CSMD1: variants seen among roughly 807,000 people sequenced by gnomAD.
CSMD1 encodes CUB and sushi domain-containing protein 1.
CSMD1 carries 213 observed loss-of-function variants against 417.5 expected under a neutral mutation model. The ratio of observed to expected loss-of-function variants is 0.51; its 90% CI spans 0.46 to 0.57. CSMD1 has a LOEUF of 0.57. Among genes scored for constraint, CSMD1 ranks in the 20% least tolerant of loss-of-function variants. The pLI, the probability that CSMD1 is intolerant of heterozygous loss-of-function variation, is 0.00. For missense variants in CSMD1, 6,923 were observed against 4,529.7 expected (o/e 1.53, Z -15.17); for synonymous variants, 2,862 against 1,736.8 (o/e 1.65, Z -16.11).
intron 2 of CSMD1, among the ~76,000 whole-genome samples, chr8:4,441,728 G>A (rs567692042): frequency 1.3e-5 from 2 of 151,988 alleles, no homozygotes; most frequent in African/African-American, 2.4e-5. Context: ...GGAGATAAAT[G>A]AAAATTTTTA....
chr8:4,286,585 T>G (rs1056037838), intron 3 of CSMD1, among the ~76,000 whole-genome samples: 1 of 152,106 alleles, frequency 6.6e-6, no homozygotes, highest in Non-Finnish European at 1.5e-5. Flanking sequence ...AACCAGCACC[T>G]GATAGCCTCA....
intron 6 of CSMD1, among the ~76,000 whole-genome samples, chr8:3,716,600 C>T (rs1801854685): frequency 6.6e-6 from 1 of 152,148 alleles, no homozygotes. Context: ...TTTACTGCAA[C>T]CTATTTCATC....
chr8:4,148,118 C>G (rs569203537), intron 3 of CSMD1, among the ~76,000 whole-genome samples: 2 of 152,032 alleles, frequency 1.3e-5, no homozygotes, highest in South Asian at 2.1e-4. Flanking sequence ...CTTTGATGCG[C>G]GTGACATGCT....
chr8:3,250,640 T>A (rs1044564238), intron 26 of CSMD1, among the ~76,000 whole-genome samples: 4 of 152,242 alleles, frequency 2.6e-5, no homozygotes, highest in Non-Finnish European at 4.4e-5. Flanking sequence ...CCACACTGTC[T>A]TCCACAATCA....
chr8:4,931,610 T>A (rs879351843), intron 1 of CSMD1, among the ~76,000 whole-genome samples: 3 of 152,212 alleles, frequency 2.0e-5, no homozygotes, highest in African/African-American at 4.8e-5. Context: ...ATAAACTAGC[T>A]GTGTCCTGCA....
chr8:3,420,528 G>A (rs573549300), intron 12 of CSMD1, among the ~76,000 whole-genome samples: 2 of 148,998 alleles, frequency 1.3e-5, no homozygotes, highest in African/African-American at 2.4e-5. Context: ...ATTAAATATA[G>A]GGAAACTGGC....
intron 3 of CSMD1, among the ~76,000 whole-genome samples, chr8:4,165,154 C>T (rs143662858): frequency 6.6e-6 from 1 of 152,144 alleles, no homozygotes. Flanking sequence ...TCAGCCTCCA[C>T]TGCTTAATAT....
chr8:4,651,605 C>A (rs1381734271), intron 1 of CSMD1, among the ~76,000 whole-genome samples: 1 of 151,666 alleles, frequency 6.6e-6, no homozygotes, highest in Admixed American at 6.5e-5. Context: ...AAAATGAGGC[C>A]CACATGGTTA....
intron 7 of CSMD1, among the ~76,000 whole-genome samples, chr8:3,631,787 G>C (rs556214814): frequency 6.6e-6 from 1 of 152,284 alleles, no homozygotes; most frequent in Admixed American, 6.5e-5. Flanking sequence ...AAGTAAACTG[G>C]GATTTCTCTG....
chr8:3,057,664 A>T (rs1395041223), intron 49 of CSMD1, among the ~76,000 whole-genome samples: 1 of 152,138 alleles, frequency 6.6e-6, no homozygotes, highest in Non-Finnish European at 1.5e-5. Context: ...TACAGATGCT[A>T]ACATTTTTTA....
At chr8:4,171,629 A>G (rs1797769649) in intron 3 of CSMD1, among the ~76,000 whole-genome samples, 1 of 151,212 alleles carries the variant, frequency 6.6e-6, no homozygotes, top group Middle Eastern at 3.4e-3. Context: ...CACTAAGCCA[A>G]ATCCCAAACT....
chr8:4,923,763 T>A (rs12676489), intron 1 of CSMD1, among the ~76,000 whole-genome samples: 6,867 of 152,222 alleles, frequency 0.045, 419 homozygotes, highest in African/African-American at 0.14. Context: ...GGTCATTCTA[T>A]TATATATCTC....
chr8:4,019,468 T>C (rs1396992931), intron 4 of CSMD1, among the ~76,000 whole-genome samples: 1 of 152,094 alleles, frequency 6.6e-6, no homozygotes, highest in Admixed American at 6.5e-5. Flanking sequence ...GGGCCCTTAT[T>C]AGGGCCCACT....
chr8:4,915,557 G>A (rs1806002518), intron 1 of CSMD1, among the ~76,000 whole-genome samples: 1 of 152,190 alleles, frequency 6.6e-6, no homozygotes, highest in Non-Finnish European at 1.5e-5. Context: ...TCATGGACCT[G>A]CGTCTGCAGT....
intron 25 of CSMD1, among the ~76,000 whole-genome samples, chr8:3,307,324 C>G (rs1194038239): frequency 1.3e-5 from 2 of 152,054 alleles, no homozygotes; most frequent in African/African-American, 4.8e-5. Context: ...CCAGCTGAGG[C>G]CCTCACACCT....
chr8:4,837,802 A>G (rs924236397), intron 1 of CSMD1, among the ~76,000 whole-genome samples: 4 of 152,226 alleles, frequency 2.6e-5, no homozygotes, highest in African/African-American at 4.8e-5. Flanking sequence ...TGGGATGGAT[A>G]TATCGTTCCC....
intron 2 of CSMD1, among the ~76,000 whole-genome samples, chr8:4,605,333 A>G (rs1239546609): frequency 6.6e-6 from 1 of 152,176 alleles, no homozygotes; most frequent in Non-Finnish European, 1.5e-5. Context: ...GAAGCAATGA[A>G]CCCAAAATGA....
At chr8:4,589,557 G>C (rs893374828) in intron 2 of CSMD1, among the ~76,000 whole-genome samples, 4 of 152,188 alleles carry the variant, frequency 2.6e-5, no homozygotes, top group African/African-American at 9.6e-5. Flanking sequence ...ATATGTTAAT[G>C]TCGACTCTAT....
chr8:4,568,270 T>C (rs1013237797), intron 2 of CSMD1, among the ~76,000 whole-genome samples: 4 of 152,102 alleles, frequency 2.6e-5, no homozygotes, highest in Non-Finnish European at 5.9e-5. Context: ...AATGCTATGC[T>C]ATCCCTCCCC....
Sources: allele counts gnomAD v4.1 joint callset (sites outside exome capture counted in the v4.1 genomes callset), GRCh38; gene constraint gnomAD v4.1.1; transcripts MANE v1.5; gene names NCBI Gene and HGNC (gene_info 2026-07-23, HGNC 2026-07-21).